The following PLXNA4 variants were observed in gnomAD, a reference collection of about 807,000 sequenced individuals.
PLXNA4 encodes plexin A4.
Under a neutral mutation model 191.8 loss-of-function variants are expected in PLXNA4, and 44 were observed. The ratio of observed to expected loss-of-function variants is 0.23; its 90% CI spans 0.18 to 0.29. The LOEUF (loss-of-function observed/expected upper bound fraction) is 0.29. PLXNA4 is among the 10% of genes least tolerant of loss of function. PLXNA4 has a pLI of 1.00. For synonymous variants in PLXNA4, 1,082 were observed against 1,009.5 expected (o/e 1.07, Z -1.36); for missense variants, 1,800 against 2,488.8 (o/e 0.72, Z 5.89).
intron 3 of PLXNA4, among the ~76,000 whole-genome samples, chr7:132,307,970 C>T (rs2116563329): frequency 6.6e-6 from 1 of 152,222 alleles, no homozygotes; most frequent in Admixed American, 6.5e-5. Flanking sequence ...ATTCTCAGAG[C>T]CAAATAATGA....
rs145909456 is a variant in PLXNA4, at chr7:132,549,154, G to A, written c.-87+27268C>T. Among the ~76,000 whole-genome samples, 8 of 152,240 alleles carry A rather than the reference G, an allele frequency of 5.3e-5. No individual in the cohort carries two copies. The East Asian group carries it at 1.4e-3, about 26-fold the overall frequency. ...ATCAAGCAGCTCATCCTGCTGCTCT[G>A]CCTATGGAGTAGCCATTTTTTTACT... On this transcript the variant is annotated intron_variant, in intron 1 of 31. Transcript: ENST00000321063.
At chr7:132,523,894 G>A (rs982751750) in intron 1 of PLXNA4, among the ~76,000 whole-genome samples, 68 of 152,144 alleles carry the variant, frequency 4.5e-4, no homozygotes, top group African/African-American at 1.6e-3. Context: ...AGCAGAGAAG[G>A]CAAGAGTTCT....
chr7:132,556,821 T>C (rs963046), intron 1 of PLXNA4, among the ~76,000 whole-genome samples: 75,727 of 152,058 alleles, frequency 0.5, 19,598 homozygotes, highest in South Asian at 0.65. Flanking sequence ...CCAGGACTTG[T>C]GAAGGTCAAA....
chr7:132,393,150 C>T (rs1383901565), intron 3 of PLXNA4, among the ~76,000 whole-genome samples: 1 of 152,012 alleles, frequency 6.6e-6, no homozygotes, highest in African/African-American at 2.4e-5. Context: ...CAAGGCCTAG[C>T]TCATGCTTAC....
chr7:132,463,165 A>G (rs1216192760), intron 3 of PLXNA4, among the ~76,000 whole-genome samples: 1 of 152,124 alleles, frequency 6.6e-6, no homozygotes, highest in African/African-American at 2.4e-5. Context: ...ATAATTCTTA[A>G]AAACAATCAA....
At chr7:132,380,733 T>A (rs1804860749) in intron 3 of PLXNA4, among the ~76,000 whole-genome samples, 1 of 152,154 alleles carries the variant, frequency 6.6e-6, no homozygotes, top group South Asian at 2.1e-4. Context: ...AGAGCAGTAG[T>A]TTCCAAACCC....
intron 3 of PLXNA4, among the ~76,000 whole-genome samples, chr7:132,480,046 C>T (rs6945809): frequency 0.11 from 16,324 of 152,210 alleles, 1,217 homozygotes; most frequent in African/African-American, 0.22. Context: ...TTCAATCATA[C>T]TATTACCCCA....
chr7:132,166,833 C>T (rs111377496), intron 22 of PLXNA4, among the ~76,000 whole-genome samples: 110 of 152,156 alleles, frequency 7.2e-4, no homozygotes, highest in African/African-American at 2.3e-3. Flanking sequence ...GAAAGTAAAA[C>T]AAAAATCAAA....
At chr7:132,161,598 G>A (rs1795950515) in intron 24 of PLXNA4, among the ~76,000 whole-genome samples, 4 of 152,186 alleles carry the variant, frequency 2.6e-5, no homozygotes, top group Admixed American at 1.3e-4. Context: ...CAGGCAACTA[G>A]CTAGTGCTCC....
intron 1 of PLXNA4, among the ~76,000 whole-genome samples, chr7:132,539,002 C>T (rs558337382): frequency 6.6e-5 from 10 of 152,358 alleles, no homozygotes; most frequent in Admixed American, 5.2e-4. Flanking sequence ...TAATAACTCA[C>T]ATCTTCTATG....
intron 2 of PLXNA4, among the ~76,000 whole-genome samples, chr7:132,491,816 AC>A (rs1342388332): frequency 6.6e-6 from 1 of 152,166 alleles, no homozygotes; most frequent in African/African-American, 2.4e-5. Context: ...TCTGATCTTT[AC>A]CATTTTTCCC....
intron 1 of PLXNA4, among the ~76,000 whole-genome samples, chr7:132,563,255 T>A (rs1372752203): frequency 2.1e-4 from 25 of 117,240 alleles, no homozygotes; most frequent in African/African-American, 7.5e-4. Context: ...CTTCTCCTAC[T>A]CCTTCTCCTC....
intron 4 of PLXNA4, among the ~76,000 whole-genome samples, chr7:132,253,887 C>T (rs201702551): frequency 2.0e-5 from 3 of 152,174 alleles, no homozygotes; most frequent in Non-Finnish European, 4.4e-5. Flanking sequence ...TATGTGCAGA[C>T]GCTATCACGC....
rs553809492 is a variant in PLXNA4, at chr7:132,374,834, C to T, written c.1372-76612G>A. ...AACTCCAACAAATTCACTCTTAAAG[C>T]CAGAAAAGCATTCCAGCTTTCTGCA... is the stretch of plus-strand genomic sequence containing the variant. On this transcript the variant is annotated intron_variant, in intron 3 of 31. Transcript: ENST00000321063. Among the ~76,000 whole-genome samples the T allele has an allele frequency of 1.8e-4, 28 of 152,278 alleles. No homozygotes were observed. The South Asian group carries it at 5.8e-3, about 32-fold the overall frequency.
chr7:132,298,811 G>T (rs575034345), intron 3 of PLXNA4, among the ~76,000 whole-genome samples: 1 of 152,300 alleles, frequency 6.6e-6, no homozygotes, highest in East Asian at 1.9e-4. Flanking sequence ...TTTTGTTCAC[G>T]TCCCCAGCAA....
At chr7:132,604,456 A>G (rs910002010) in intron 2 of PLXNA4, among the ~76,000 whole-genome samples, 1 of 152,216 alleles carries the variant, frequency 6.6e-6, no homozygotes, top group African/African-American at 2.4e-5. Context: ...ATACCCTTGC[A>G]TCCTCAAAAT....
At chr7:132,485,140 A>T (rs893388553) in intron 3 of PLXNA4, 20 of 1,361,700 alleles carry the variant, frequency 1.5e-5, no homozygotes, top group Non-Finnish European at 1.9e-5. Context: ...TTGCCTCTTC[A>T]TGGGAATGTG....
At chr7:132,442,995 T>G (rs564602289) in intron 3 of PLXNA4, among the ~76,000 whole-genome samples, 22 of 152,326 alleles carry the variant, frequency 1.4e-4, no homozygotes, top group African/African-American at 5.3e-4. Context: ...CAGCCCGTGC[T>G]GCACCAGCTT....
intron 3 of PLXNA4, among the ~76,000 whole-genome samples, chr7:132,472,251 CT>C (rs1168629130): frequency 1.3e-5 from 2 of 152,156 alleles, no homozygotes; most frequent in Non-Finnish European, 2.9e-5. Flanking sequence ...CTAGCAAGGT[CT>C]TTTGGCAAGA....
Sources: allele counts gnomAD v4.1 joint callset (sites outside exome capture counted in the v4.1 genomes callset), GRCh38; gene constraint gnomAD v4.1.1; transcripts MANE v1.5; gene names NCBI Gene and HGNC (gene_info 2026-07-23, HGNC 2026-07-21).